The following HSDL1 variants were observed in gnomAD, a reference collection of about 807,000 sequenced individuals.
The protein encoded by HSDL1 is inactive hydroxysteroid dehydrogenase-like protein 1.
Under a neutral mutation model 31.5 loss-of-function variants are expected in HSDL1, and 29 were observed. That is an observed-to-expected ratio of 0.92 (90% CI 0.69 to 1.26). HSDL1 has a LOEUF of 1.26. Among genes scored for constraint, HSDL1 ranks in the 50% most tolerant of loss-of-function variants. The probability of loss-of-function intolerance (pLI) is 0.00; values close to 1 mark genes in which losing one functional copy is unlikely to be tolerated. For missense variants in HSDL1, 503 were observed against 416.6 expected (o/e 1.21, Z -1.81); for synonymous variants, 222 against 155.2 (o/e 1.43, Z -3.20).
chr16:84,130,630 C>G (rs34210380), intron 3 of HSDL1, among the ~76,000 whole-genome samples, 199 bp from the exon 4 acceptor site: 1 of 152,218 alleles, frequency 6.6e-6, no homozygotes, highest in Admixed American at 6.5e-5. Context: ...CCCAGACATC[C>G]TGACACACGG....
intron 1 of HSDL1, among the ~76,000 whole-genome samples, chr16:84,137,070 A>G (rs191339031): frequency 5.3e-5 from 8 of 152,358 alleles, no homozygotes; most frequent in African/African-American, 9.6e-5. Context: ...TGAAAAATAC[A>G]AAGTGTCAGA....
intron 2 of HSDL1, among the ~76,000 whole-genome samples, chr16:84,133,691 T>C (rs2086688215): frequency 6.6e-6 from 1 of 152,164 alleles, no homozygotes; most frequent in African/African-American, 2.4e-5. Flanking sequence ...ATCATGCCAC[T>C]GCGCTCCAGC....
intron 5 of HSDL1, among the ~76,000 whole-genome samples, chr16:84,129,115 G>C (rs1378473386): frequency 6.6e-6 from 1 of 152,112 alleles, no homozygotes; most frequent in Non-Finnish European, 1.5e-5. Flanking sequence ...AGGCACGGTG[G>C]CTCACGCCTG....
rs1011823201 is a variant in HSDL1, at chr16:84,122,153, C to T, written c.*2477G>A. 1 of 152,532 alleles carries T rather than the reference C, an allele frequency of 6.6e-6. No individual in the cohort carries two copies. The highest frequency in any genetic ancestry group is 1.5e-5 in the Non-Finnish European group (1 of 68,036). The allele number at this position is 152,532 out of a possible 1,614,324, so 9.4% of individuals were successfully genotyped here. A position where few individuals can be genotyped will look rare whatever the true frequency, so the allele number is the denominator to read the frequency against. Reference sequence around the variant, plus strand: ...TAGTTATAAACAATTTTGTTACTGACGTGTCAGCTTTTAATCAGTTATGAC... The same window carrying T: ...TAGTTATAAACAATTTTGTTACTGATGTGTCAGCTTTTAATCAGTTATGAC... On this transcript the variant is annotated 3_prime_UTR_variant, in exon 6 of 6. Coordinates refer to ENST00000219439, the MANE Select transcript of HSDL1 (RefSeq NM_031463.5).
At chr16:84,130,546 G>A (rs2086653590) in intron 3 of HSDL1, 115 bp from the exon 4 acceptor site, 1 of 794,718 alleles carries the variant, frequency 1.3e-6, no homozygotes, top group Non-Finnish European at 2.0e-6. Context: ...TAGAAATCAA[G>A]TCGGTTCTAG....
chr16:84,127,897 T>C (rs969151355), intron 5 of HSDL1, among the ~76,000 whole-genome samples: 1 of 151,302 alleles, frequency 6.6e-6, no homozygotes, highest in Non-Finnish European at 1.5e-5. Flanking sequence ...TTTTTTGTAT[T>C]TTTAATAGAG....
chr16:84,129,472 A>G, intron 5 of HSDL1, 76 bp downstream of exon 5: 1 of 1,043,612 alleles, frequency 9.6e-7, no homozygotes, highest in Non-Finnish European at 1.5e-6. Context: ...CTTAGGCTTT[A>G]ATCAGATTTC....
chr16:84,128,690 T>C (rs554305868), intron 5 of HSDL1, among the ~76,000 whole-genome samples: 2 of 152,072 alleles, frequency 1.3e-5, no homozygotes, highest in South Asian at 4.1e-4. Context: ...AGTCCTAACA[T>C]CCACTTACAG....
chr16:84,144,774 A>T lies in HSDL1; in HGVS notation c.-69+306T>A, dbSNP rs1173466311. Among the ~76,000 whole-genome samples the T allele has an allele frequency of 4.4e-5, 5 of 112,952 alleles. No individual in the cohort carries two copies. In the East Asian group the frequency reaches 9.9e-4, roughly 22 times the overall value. 74.1% of individuals were successfully genotyped at this position (112,952 alleles called of 152,430 possible). ...GGGGGAAGAGAGAGAACAGGGGTGC[A>T]GCGCCGCGGCGGGGGGCGTGAGGAT... On this transcript the variant is annotated intron_variant, in intron 1 of 5. Coordinates refer to ENST00000219439, the MANE Select transcript of HSDL1 (RefSeq NM_031463.5).
chr16:84,125,393 C>G (rs768228460), intron 5 of HSDL1, among the ~76,000 whole-genome samples: 21 of 151,320 alleles, frequency 1.4e-4, no homozygotes, highest in Non-Finnish European at 2.7e-4. Flanking sequence ...TCAATCACAA[C>G]AAATACCCAC....
rs1429715892 is a variant in HSDL1, at chr16:84,131,121, T to C, written c.201A>G (p.Gly67=). ...GSRADLIKQY[G]RWAVVSGATD... ...GGTTACCGCTGACAACGGCCCATCT[T>C]CCATACTGCTTGATCAAGTCTGCTC... The change falls in exon 3 of 6, where the codon GGA becomes GGG. Residue 67 remains glycine, a synonymous_variant. Transcript: ENST00000219439. 1 of 1,613,454 alleles carries C rather than the reference T, an allele frequency of 6.2e-7. No individual in the cohort carries two copies. The highest frequency in any genetic ancestry group is 1.1e-5 in the South Asian group (1 of 91,064).
rs751788995 is a variant in HSDL1 at position 84,124,711 on chromosome 16, A to G, written c.912T>C (p.Tyr304=). The G allele has an allele frequency of 1.2e-6, 2 of 1,613,308 alleles. No individual in the cohort carries two copies. The highest frequency in any genetic ancestry group is 3.3e-5 in the Admixed American group (2 of 60,020). Residue 304 remains tyrosine, a synonymous_variant, in exon 6 of 6, where the codon TAT becomes TAC. Coordinates refer to ENST00000219439, the MANE Select transcript of HSDL1 (RefSeq NM_031463.5). ...SHSIQFLFAQ[Y]MPEWLWVWGA... is the part of the protein sequence containing the mutation. ...CCCACACCCAGAGCCATTCAGGCAT[A>G]TACTGTGCAAAAAGAAACTAAAAAT...
At chr16:84,125,529 G>A (rs1177931443) in intron 5 of HSDL1, among the ~76,000 whole-genome samples, 3 of 123,156 alleles carry the variant, frequency 2.4e-5, no homozygotes, top group Non-Finnish European at 3.4e-5. Context: ...AATACCCACC[G>A]ATCAATCACA....
chr16:84,136,806 T>A (rs1242383524), intron 1 of HSDL1, among the ~76,000 whole-genome samples: 2 of 152,222 alleles, frequency 1.3e-5, no homozygotes, highest in Non-Finnish European at 2.9e-5. Context: ...TCACAGAGCA[T>A]CAGGGGGGCT....
At chr16:84,144,642 G>A (rs1415716288) in intron 1 of HSDL1, among the ~76,000 whole-genome samples, 2 of 152,184 alleles carry the variant, frequency 1.3e-5, no homozygotes, top group African/African-American at 2.4e-5. Context: ...CACCGACAAA[G>A]GAGGCGATTG....
intron 1 of HSDL1, among the ~76,000 whole-genome samples, chr16:84,138,746 C>T (rs1024577148): frequency 1.3e-5 from 2 of 152,082 alleles, no homozygotes; most frequent in Admixed American, 1.3e-4. Context: ...AGAGCAAGTC[C>T]CTATTATCTT....
rs2151183141 is a variant in HSDL1, at chr16:84,124,528, A to C, written c.*102T>G. 2.7e-6 allele frequency: 2 copies of C among 750,320 alleles called. No individual in the cohort carries two copies. Among genetic ancestry groups the C allele is most frequent in the South Asian group, 3.0e-5 (2 of 66,492 alleles). 46.5% of individuals were successfully genotyped at this position (750,320 alleles called of 1,614,324 possible). A position where few individuals can be genotyped will look rare whatever the true frequency, so the allele number is the denominator to read the frequency against. On this transcript the variant is annotated 3_prime_UTR_variant, in exon 6 of 6. Coordinates refer to ENST00000219439, the MANE Select transcript of HSDL1 (RefSeq NM_031463.5). The stretch of plus-strand genomic sequence containing the variant: ...TGACGAATCAACAGTATGCTGAATA[A>C]TCAGCAATGAAACACAGGAGATAAA...
At chr16:84,143,661 A>G (rs2086794298) in intron 1 of HSDL1, among the ~76,000 whole-genome samples, 1 of 152,066 alleles carries the variant, frequency 6.6e-6, no homozygotes, top group African/African-American at 2.4e-5. Flanking sequence ...TAGCACCAAT[A>G]TGTTCAACTC....
At position 84,124,473 on chromosome 16, in the gene HSDL1, A is replaced by G; in HGVS notation, c.*157T>C. 2 of 584,050 alleles carry G rather than the reference A, an allele frequency of 3.4e-6. No homozygotes were observed. Among genetic ancestry groups the G allele is most frequent in the Non-Finnish European group, 6.4e-6 (2 of 314,484 alleles). 36.2% of individuals were successfully genotyped at this position (584,050 alleles called of 1,614,324 possible). A position where few individuals can be genotyped will look rare whatever the true frequency, so the allele number is the denominator to read the frequency against. On this transcript the variant is annotated 3_prime_UTR_variant, in exon 6 of 6. Coordinates refer to ENST00000219439, the MANE Select transcript of HSDL1 (RefSeq NM_031463.5). ...ACACACCCTTAAGGTTTTTCACAGC[A>G]CTCTGACGGTATTATGTGTGTTTTG...
Sources: gnomAD v4.1 joint callset for allele counts (sites outside exome capture counted in the v4.1 genomes callset) on GRCh38, gnomAD v4.1.1 for gene constraint, MANE v1.5 for transcripts, NCBI Gene and HGNC (gene_info 2026-07-23, HGNC 2026-07-21) for gene names.